Variants in SBF2 observed in about 807,000 individuals in gnomAD.
SBF2 encodes the protein myotubularin-related protein 13.
SBF2 carries 112 observed loss-of-function variants against 225.2 expected under a neutral mutation model. The observed-to-expected ratio is 0.50, with a 90% CI of 0.43 to 0.58. SBF2 has a LOEUF of 0.58. Among genes scored for constraint, SBF2 ranks in the 20% least tolerant of loss-of-function variants. The pLI is 0.00. For missense variants in SBF2, 1,996 were observed against 2,206.2 expected (o/e 0.90, Z 1.91); for synonymous variants, 763 against 773.3 (o/e 0.99, Z 0.22).
intron 17 of SBF2, among the ~76,000 whole-genome samples, chr11:9,879,542 C>A (rs1320305122): frequency 1.3e-5 from 2 of 152,112 alleles, no homozygotes; most frequent in Non-Finnish European, 2.9e-5. Context: ...GCTGGAGGAC[C>A]TGGGCTAAGC....
At chr11:9,958,352 C>A (rs1866320388) in intron 16 of SBF2, 1 of 151,298 alleles carries the variant, frequency 6.6e-6, no homozygotes, top group African/African-American at 2.4e-5. Flanking sequence ...CATATTCCAT[C>A]CTTTCTTTTT....
At chr11:10,114,931 T>TGTAGATG (rs2135026870) in intron 2 of SBF2, among the ~76,000 whole-genome samples, 1 of 152,328 alleles carries the variant, frequency 6.6e-6, no homozygotes, top group African/African-American at 2.4e-5. Context: ...CTGGTGTGCC[T>TGTAGATG]GGAGCTATGG....
At chr11:10,233,948 T>C (rs1380417190) in intron 1 of SBF2, among the ~76,000 whole-genome samples, 1 of 152,200 alleles carries the variant, frequency 6.6e-6, no homozygotes, top group Non-Finnish European at 1.5e-5. Context: ...GTTGTTTTCA[T>C]TAATCCTTCA....
intron 3 of SBF2, 105 bp from the exon 4 acceptor site, chr11:10,031,275 T>A (rs1949246319): frequency 9.5e-7 from 1 of 1,055,468 alleles, no homozygotes; most frequent in Non-Finnish European, 1.4e-6. Flanking sequence ...AATTCAAAAT[T>A]AATTATAATA....
At chr11:10,257,886 G>A (rs1184722611) in intron 1 of SBF2, among the ~76,000 whole-genome samples, 1 of 149,986 alleles carries the variant, frequency 6.7e-6, no homozygotes, top group Non-Finnish European at 1.5e-5. Context: ...GAGCCCAGGA[G>A]GCAGAGGTTG....
intron 17 of SBF2, among the ~76,000 whole-genome samples, chr11:9,891,498 T>G (rs983327492): frequency 6.6e-6 from 1 of 152,194 alleles, no homozygotes; most frequent in Non-Finnish European, 1.5e-5. Flanking sequence ...GTCGTGAGGG[T>G]AAGGGATTAT....
intron 32 of SBF2, among the ~76,000 whole-genome samples, chr11:9,804,455 T>C (rs541486416): frequency 2.6e-4 from 40 of 152,358 alleles, no homozygotes; most frequent in Non-Finnish European, 4.9e-4. Flanking sequence ...ATTGAAGTGT[T>C]ATTTAAAAAT....
chr11:10,288,124 AGCTCCCAGGTCTGG>A (rs1318722785), intron 1 of SBF2, among the ~76,000 whole-genome samples: 2 of 152,292 alleles, frequency 1.3e-5, no homozygotes, highest in East Asian at 3.9e-4. Flanking sequence ...TAGCTTGGGG[AGCTCCCAGGTCTGG>A]GCTCCCAGAA....
At chr11:9,918,565 T>G (rs957048459) in intron 16 of SBF2, among the ~76,000 whole-genome samples, 3 of 151,946 alleles carry the variant, frequency 2.0e-5, no homozygotes, top group Non-Finnish European at 4.4e-5. Flanking sequence ...AGAGACAAGG[T>G]TTTGCCATGT....
chr11:10,043,396 A>G (rs183097530), intron 2 of SBF2, among the ~76,000 whole-genome samples: 48 of 152,342 alleles, frequency 3.2e-4, no homozygotes, highest in African/African-American at 1.2e-3. Flanking sequence ...TCAATTCATT[A>G]CAAAAAAAGA....
intron 6 of SBF2, among the ~76,000 whole-genome samples, chr11:10,007,528 C>G (rs551368585): frequency 7.9e-5 from 12 of 152,274 alleles, no homozygotes; most frequent in African/African-American, 2.6e-4. Flanking sequence ...TAGAAATCCC[C>G]TATGTACAGG....
chr11:10,161,772 C>A (rs904600612), intron 2 of SBF2, among the ~76,000 whole-genome samples: 4 of 149,868 alleles, frequency 2.7e-5, no homozygotes, highest in African/African-American at 9.9e-5. Context: ...TCAAGACCAG[C>A]CCAGGCAACA....
At chr11:10,277,517 TGCATGAAC>T (rs1963056225) in intron 1 of SBF2, among the ~76,000 whole-genome samples, 2 of 152,236 alleles carry the variant, frequency 1.3e-5, no homozygotes, top group South Asian at 4.1e-4. Flanking sequence ...TTATAATAAC[TGCATGAAC>T]CATTGTGTTT....
intron 2 of SBF2, among the ~76,000 whole-genome samples, chr11:10,063,351 T>TA (rs1950515798): frequency 6.9e-5 from 9 of 131,160 alleles, no homozygotes; most frequent in Non-Finnish European, 1.2e-4. Flanking sequence ...TATATTTTTT[T>TA]AATTTTTTTA....
intron 1 of SBF2, among the ~76,000 whole-genome samples, chr11:10,267,637 T>C (rs78160686): frequency 1.3e-5 from 2 of 151,678 alleles, no homozygotes; most frequent in East Asian, 2.0e-4. Context: ...ACTTGGAATA[T>C]AGATGGGATG....
Position 10,290,841 on chromosome 11 carries a change from C to G in SBF2, c.55+3174G>C, listed in dbSNP as rs529951543. Among the ~76,000 whole-genome samples the G allele has an allele frequency of 2.0e-4, 30 of 152,204 alleles. No homozygotes were observed. In the East Asian group the frequency reaches 5.4e-3, roughly 27 times the overall value. On this transcript the variant is annotated intron_variant, in intron 1 of 39. Transcript: ENST00000256190. Reference sequence around the variant, plus strand: ...GCATACATACCTATACTTACCAGCCCTGACCATTAACAGGACCTGGAAGGA... The same window carrying G: ...GCATACATACCTATACTTACCAGCCGTGACCATTAACAGGACCTGGAAGGA...
intron 6 of SBF2, among the ~76,000 whole-genome samples, chr11:10,021,594 T>A (rs965942243): frequency 6.6e-6 from 1 of 152,124 alleles, no homozygotes. Flanking sequence ...TTTTAAACTG[T>A]GAAAAACAAA....
intron 6 of SBF2, chr11:10,016,621 G>A (rs1948662878): frequency 6.6e-6 from 1 of 152,162 alleles, no homozygotes; most frequent in Admixed American, 6.6e-5. Context: ...CGAGTAGCTG[G>A]GACTGCAGAC....
intron 12 of SBF2, among the ~76,000 whole-genome samples, chr11:9,991,374 C>T (rs182238952): frequency 1.3e-5 from 2 of 152,268 alleles, no homozygotes; most frequent in Admixed American, 1.3e-4. Context: ...GAATACTTCA[C>T]TATCTTTACA....
Sources: allele counts gnomAD v4.1 joint callset (sites outside exome capture counted in the v4.1 genomes callset), GRCh38; gene constraint gnomAD v4.1.1; transcripts MANE v1.5; gene names NCBI Gene and HGNC (gene_info 2026-07-23, HGNC 2026-07-21).